The following RAB11FIP3 variants were observed in gnomAD, a reference collection of about 807,000 sequenced individuals.
The protein encoded by RAB11FIP3 is rab11 family-interacting protein 3.
RAB11FIP3 carries 17 observed loss-of-function variants against 77.8 expected under a neutral mutation model. The observed-to-expected ratio is 0.22, with a 90% CI of 0.15 to 0.33. RAB11FIP3 has a LOEUF of 0.33. Among genes scored for constraint, RAB11FIP3 ranks in the 10% least tolerant of loss-of-function variants. The pLI is 1.00. For synonymous variants in RAB11FIP3, 437 were observed against 448.2 expected (o/e 0.98, Z 0.31); for missense variants, 1,005 against 1,011.2 (o/e 0.99, Z 0.08).
Position 492,986 on chromosome 16 carries a change from G to A in RAB11FIP3, c.1266-3838G>A, listed in dbSNP as rs554031594. On this transcript the variant is annotated intron_variant, in intron 5 of 13. Coordinates refer to ENST00000262305, the MANE Select transcript of RAB11FIP3 (RefSeq NM_014700.4). ...AAGCGGGCCAGGCGCAGTGACTCAC[G>A]CCTGTAATCTCAGCATTTTGGGAGG... Among the ~76,000 whole-genome samples the A allele has an allele frequency of 3.2e-4, 49 of 152,194 alleles. 1 individual carries two copies. Among genetic ancestry groups the A allele is most frequent in the South Asian group, 8.3e-4 (4 of 4,826 alleles).
chr16:440,961 G>A (rs1200322447), intron 1 of RAB11FIP3, among the ~76,000 whole-genome samples: 2 of 150,884 alleles, frequency 1.3e-5, no homozygotes, highest in African/African-American at 4.9e-5. Context: ...TTTTTATTGA[G>A]ACGGAGTCTC....
At position 520,873 on chromosome 16, in the gene RAB11FIP3, A is replaced by C; in HGVS notation, c.*34A>C. Reference sequence around the variant, plus strand: ...AGGTCCAGCCTGAGCTGGATTCGGGACTCCAACACCCTGGAGTGGTTCCGT... The same window carrying C: ...AGGTCCAGCCTGAGCTGGATTCGGGCCTCCAACACCCTGGAGTGGTTCCGT... On this transcript the variant is annotated 3_prime_UTR_variant, in exon 14 of 14. Coordinates refer to ENST00000262305, the MANE Select transcript of RAB11FIP3 (RefSeq NM_014700.4). 6.4e-7 allele frequency: 1 copy of C among 1,560,624 alleles called. No individual in the cohort carries two copies. Among genetic ancestry groups the C allele is most frequent in the Non-Finnish European group, 8.8e-7 (1 of 1,132,532 alleles).
chr16:459,875 CTT>C (rs1170379362), intron 1 of RAB11FIP3, among the ~76,000 whole-genome samples: 7 of 119,312 alleles, frequency 5.9e-5, no homozygotes, highest in Admixed American at 8.4e-5. Flanking sequence ...ATTGAGTTGT[CTT>C]TTTTTTTTTT....
At position 521,584 on chromosome 16, in the gene RAB11FIP3, T is replaced by TG. The variant is rs919456537; in HGVS notation, c.*750dup. 6.6e-6 allele frequency: 1 copy of TG among 152,640 alleles called. No individual in the cohort carries two copies. The highest frequency in any genetic ancestry group is 2.4e-5 in the African/African-American group (1 of 41,442). 9.5% of individuals were successfully genotyped at this position (152,640 alleles called of 1,614,324 possible). On this transcript the variant is annotated 3_prime_UTR_variant, in exon 14 of 14. Transcript: ENST00000262305. ...AACCCCTGGGGGCTCTGACCACCTATGGGGGCCGGGCAGGAGCCTCTGGGG... is the reference window on the plus strand; with the variant it reads ...AACCCCTGGGGGCTCTGACCACCTATGGGGGGCCGGGCAGGAGCCTCTGGGG...
rs760292287 is a variant in RAB11FIP3, at chr16:510,807, G to A, written c.1640+7G>A. ...TCGAGAACCTGCAGACCAGGTAGGC[G>A]GTTCCCAACAGCCCATCCACCCCAG... On this transcript the variant is annotated splice_region_variant and intron_variant, in intron 9 of 13. Coordinates refer to ENST00000262305, the MANE Select transcript of RAB11FIP3 (RefSeq NM_014700.4). The A allele has an allele frequency of 4.3e-6, 7 of 1,612,302 alleles. No individual in the cohort carries two copies. The highest frequency in any genetic ancestry group is 1.1e-5 in the South Asian group (1 of 90,966).
intron 5 of RAB11FIP3, among the ~76,000 whole-genome samples, chr16:492,733 G>A (rs76543950): frequency 0.014 from 2,099 of 152,232 alleles, 114 homozygotes; most frequent in Admixed American, 0.1. Flanking sequence ...TGTCATCTCC[G>A]TACATGAAAG....
intron 1 of RAB11FIP3, among the ~76,000 whole-genome samples, chr16:456,446 A>C (rs895276067): frequency 2.0e-5 from 3 of 150,552 alleles, no homozygotes; most frequent in African/African-American, 7.4e-5. Context: ...TCTCAAAAAA[A>C]AAAAAAGAAA....
chr16:507,806 G>A lies in RAB11FIP3; in HGVS notation c.1499+2179G>A, dbSNP rs2031949000. On this transcript the variant is annotated intron_variant, in intron 8 of 13. Transcript: ENST00000262305. This position sits in a 1 kb window ranked among gnomAD's most constrained non-coding sequence, Gnocchi z 4.6. ...TGCTCTCTAGCCCTACCATACAGCT[G>A]CCATCCTAAGAGTACGTTTCCCGTT... Among the ~76,000 whole-genome samples the A allele has an allele frequency of 6.6e-6, 1 of 152,032 alleles. No homozygotes were observed.
chr16:453,671 A>G (rs2055448634), intron 1 of RAB11FIP3, among the ~76,000 whole-genome samples: 1 of 149,520 alleles, frequency 6.7e-6, no homozygotes, highest in South Asian at 2.1e-4. Context: ...GCTCACTGCA[A>G]CCTCTGCCCC....
intron 1 of RAB11FIP3, among the ~76,000 whole-genome samples, chr16:439,062 C>G (rs1454390566): frequency 1.3e-5 from 2 of 152,198 alleles, no homozygotes; most frequent in African/African-American, 4.8e-5. Flanking sequence ...CAACTCACTG[C>G]AGCCTTGAAC....
At chr16:515,047 A>G (rs998822436) in intron 9 of RAB11FIP3, among the ~76,000 whole-genome samples, 1 of 152,202 alleles carries the variant, frequency 6.6e-6, no homozygotes, top group Non-Finnish European at 1.5e-5. Flanking sequence ...GAAGTCAGAA[A>G]GACTGACCCC....
chr16:470,422 C>A (rs1490925137), intron 2 of RAB11FIP3, among the ~76,000 whole-genome samples: 1 of 152,222 alleles, frequency 6.6e-6, no homozygotes, highest in African/African-American at 2.4e-5. Context: ...CATAGGCCAC[C>A]GTGCCTGGCC....
intron 1 of RAB11FIP3, among the ~76,000 whole-genome samples, chr16:441,856 T>C (rs1043528686): frequency 5.3e-5 from 8 of 152,250 alleles, no homozygotes; most frequent in Non-Finnish European, 2.9e-5. Context: ...TTGTTTGTTT[T>C]GAGACGGAGT....
intron 1 of RAB11FIP3, among the ~76,000 whole-genome samples, chr16:455,082 CT>C (rs764140198): frequency 0.013 from 1,772 of 136,202 alleles, 25 homozygotes; most frequent in African/African-American, 0.041. Context: ...GGCTTTCTTT[CT>C]TTTTTTTTTT....
At chr16:450,958 G>A (rs950557285) in intron 1 of RAB11FIP3, among the ~76,000 whole-genome samples, 6 of 151,664 alleles carry the variant, frequency 4.0e-5, no homozygotes, top group African/African-American at 1.2e-4. Flanking sequence ...TTCTGTTACC[G>A]CAGCGCTCTG....
chr16:428,213 A>G (rs1451577237), intron 1 of RAB11FIP3, among the ~76,000 whole-genome samples: 1 of 152,134 alleles, frequency 6.6e-6, no homozygotes, highest in East Asian at 1.9e-4. Context: ...GCAGCCTGCA[A>G]TGCTCGCAAG....
intron 1 of RAB11FIP3, among the ~76,000 whole-genome samples, chr16:441,300 T>A (rs1030051675): frequency 2.0e-5 from 3 of 152,142 alleles, no homozygotes; most frequent in Non-Finnish European, 2.9e-5. Flanking sequence ...TCCCACTCAC[T>A]CAGTAGCCTG....
intron 1 of RAB11FIP3, among the ~76,000 whole-genome samples, chr16:440,031 G>A (rs1294709110): frequency 2.6e-5 from 4 of 152,040 alleles, no homozygotes; most frequent in South Asian, 2.1e-4. Flanking sequence ...TAGTAGACAC[G>A]GGGTTTCACT....
intron 1 of RAB11FIP3, among the ~76,000 whole-genome samples, chr16:433,310 C>T (rs1443226192): frequency 2.8e-5 from 4 of 142,202 alleles, no homozygotes; most frequent in Admixed American, 7.4e-5. Flanking sequence ...GGATTACAGG[C>T]GTGAGCCACC....
Sources: allele counts gnomAD v4.1 joint callset (sites outside exome capture counted in the v4.1 genomes callset), GRCh38; gene constraint gnomAD v4.1.1; non-coding constraint Gnocchi (gnomAD v3.1); transcripts MANE v1.5; gene names NCBI Gene and HGNC (gene_info 2026-07-23, HGNC 2026-07-21).